Variants in RXRA observed in about 807,000 individuals in gnomAD.
RXRA encodes retinoic acid receptor RXR-alpha.
Under a neutral mutation model 44.5 loss-of-function variants are expected in RXRA, and 5 were observed. The observed-to-expected ratio is 0.11, with a 90% CI of 0.06 to 0.24. The LOEUF (loss-of-function observed/expected upper bound fraction) is 0.24, where lower values mean the gene tolerates loss of function less well. Ranked by LOEUF, RXRA falls within the 10% of genes least tolerant of loss-of-function variation. RXRA has a pLI of 1.00. For synonymous variants in RXRA, 291 were observed against 271.4 expected (o/e 1.07, Z -0.71); for missense variants, 412 against 646.5 (o/e 0.64, Z 3.93).
intron 1 of RXRA, among the ~76,000 whole-genome samples, chr9:134,388,807 G>T (rs1229687473): frequency 6.6e-6 from 1 of 152,230 alleles, no homozygotes; most frequent in Non-Finnish European, 1.5e-5. Flanking sequence ...GTGACAGCCG[G>T]GTGCCCTGGG....
At chr9:134,354,335 G>C (rs1830257554) in intron 1 of RXRA, among the ~76,000 whole-genome samples, 1 of 152,228 alleles carries the variant, frequency 6.6e-6, no homozygotes, top group South Asian at 2.1e-4. Context: ...GACTTCTGCA[G>C]AATTTTCTGC....
intron 1 of RXRA, among the ~76,000 whole-genome samples, chr9:134,341,478 C>G (rs574746500): frequency 1.3e-5 from 2 of 152,270 alleles, no homozygotes; most frequent in Non-Finnish European, 2.9e-5. Context: ...CCAGGCCTGG[C>G]TGGAGCCATT....
chr9:134,421,823 G>C lies in RXRA; in HGVS notation c.910+18G>C. ...GCGGGCAGGTGAGTGGCGAGGCCTA[G>C]GTGGGGATGGGGATGCCATGCAGAT... On this transcript the variant is annotated intron_variant, in intron 6 of 9. Transcript: ENST00000481739. 1 of 1,612,088 alleles carries C rather than the reference G, an allele frequency of 6.2e-7. No individual in the cohort carries two copies. The highest frequency in any genetic ancestry group is 1.3e-5 in the African/African-American group (1 of 75,000).
chr9:134,355,168 C>CT (rs1429092138), intron 1 of RXRA, among the ~76,000 whole-genome samples: 1 of 152,244 alleles, frequency 6.6e-6, no homozygotes, highest in Non-Finnish European at 1.5e-5. Context: ...CACATCTCTG[C>CT]TGGCGTTTGT....
chr9:134,377,254 G>T (rs1830569682), intron 1 of RXRA, among the ~76,000 whole-genome samples: 1 of 152,218 alleles, frequency 6.6e-6, no homozygotes, highest in Non-Finnish European at 1.5e-5. Flanking sequence ...AGCCCCAGGG[G>T]TGTTGGGTCC....
intron 1 of RXRA, among the ~76,000 whole-genome samples, chr9:134,327,235 ACCTGGGAAGGCC>A (rs1834930301): frequency 6.6e-6 from 1 of 152,082 alleles, no homozygotes; most frequent in African/African-American, 2.4e-5. Context: ...AGAACGTCAG[ACCTGGGAAGGCC>A]CCATTCCAGA....
chr9:134,423,133 G>A (rs1831375922), intron 6 of RXRA: 2 of 985,476 alleles, frequency 2.0e-6, no homozygotes, highest in South Asian at 9.4e-5. Context: ...GGGGGTGTGA[G>A]GGGCGTGCTG....
rs1042162112 is a variant in RXRA at position 134,424,435 on chromosome 9, C to T, written c.910+2630C>T. 11 of 985,354 alleles carry T rather than the reference C, an allele frequency of 1.1e-5. No individual in the cohort carries two copies. In the Admixed American group the frequency reaches 6.1e-4, roughly 55 times the overall value. 61.0% of individuals were successfully genotyped at this position (985,354 alleles called of 1,614,324 possible). The stretch of plus-strand genomic sequence containing the variant: ...GGCGCCCACTGAGGTCCTTGCTGAC[C>T]TGTCTCCAGTGGGCCCTGCTCATGC... On this transcript the variant is annotated intron_variant, in intron 6 of 9. Transcript: ENST00000481739.
Position 134,365,867 on chromosome 9 carries a change from G to T in RXRA, c.29-35765G>T, listed in dbSNP as rs1440397377. On this transcript the variant is annotated intron_variant, in intron 1 of 9. Transcript: ENST00000481739. This position sits in a 1 kb window ranked among gnomAD's most constrained non-coding sequence, Gnocchi z 4.0. ...CATTCCTACTGCTAGGCTCAGGCCT[G>T]TCTTGGGGAGGGTTCCTGGGCTGGG... Among the ~76,000 whole-genome samples, 3 of 152,082 alleles carry T rather than the reference G, an allele frequency of 2.0e-5. No homozygotes were observed. The highest frequency in any genetic ancestry group is 7.2e-5 in the African/African-American group (3 of 41,414).
chr9:134,339,828 TGTGTGA>T (rs1554747904), intron 1 of RXRA, among the ~76,000 whole-genome samples: 1 of 134,604 alleles, frequency 7.4e-6, no homozygotes, highest in African/African-American at 2.9e-5. Flanking sequence ...TGTGTGTGTG[TGTGTGA>T]GTCTGTGTGT....
intron 1 of RXRA, among the ~76,000 whole-genome samples, chr9:134,372,421 T>C (rs1198718523): frequency 6.6e-6 from 1 of 152,140 alleles, no homozygotes; most frequent in Non-Finnish European, 1.5e-5. Flanking sequence ...AGGGTCCCTC[T>C]TCCTTTGGCT....
chr9:134,354,713 A>G (rs782094089), intron 1 of RXRA, among the ~76,000 whole-genome samples: 2 of 152,236 alleles, frequency 1.3e-5, no homozygotes, highest in Non-Finnish European at 2.9e-5. Context: ...CCTTCGCTGT[A>G]AGACTGAAAT....
At chr9:134,427,295 C>T in intron 6 of RXRA, 6 of 416,950 alleles carry the variant, frequency 1.4e-5, no homozygotes, top group Non-Finnish European at 1.9e-5. Context: ...GGTTGTGTTT[C>T]CTAAACCCCC....
At chr9:134,329,014 G>T (rs114005197) in intron 1 of RXRA, among the ~76,000 whole-genome samples, 1 of 152,220 alleles carries the variant, frequency 6.6e-6, no homozygotes, top group African/African-American at 2.4e-5. Context: ...GGCTGGCCGC[G>T]CTCCCACGCC....
At chr9:134,376,923 G>A (rs1054099349) in intron 1 of RXRA, among the ~76,000 whole-genome samples, 3 of 152,212 alleles carry the variant, frequency 2.0e-5, no homozygotes, top group African/African-American at 7.2e-5. Context: ...ACCTGTGGCG[G>A]GCAGTCGCTG....
At chr9:134,379,691 G>T in intron 1 of RXRA, 1 of 985,406 alleles carries the variant, frequency 1.0e-6, no homozygotes, top group Non-Finnish European at 1.2e-6. Flanking sequence ...GCCCCAGTAT[G>T]CGGATGAGAA....
At chr9:134,403,286 T>A (rs1474072155) in intron 2 of RXRA, 3 of 152,262 alleles carry the variant, frequency 2.0e-5, no homozygotes, top group Non-Finnish European at 4.4e-5. Context: ...TTGGGGGATG[T>A]GTGCAGAAGA....
chr9:134,424,281 T>C, intron 6 of RXRA: 3 of 985,284 alleles, frequency 3.0e-6, no homozygotes, highest in South Asian at 4.7e-5. Context: ...CAGGCCCTTC[T>C]AGGATGCCTG....
intron 1 of RXRA, among the ~76,000 whole-genome samples, chr9:134,395,671 T>TG (rs776866603): frequency 1.3e-5 from 2 of 152,122 alleles, no homozygotes; most frequent in African/African-American, 2.4e-5. Flanking sequence ...CTGGCCGAGG[T>TG]GGGGGGCTGG....
Sources: gnomAD v4.1 joint callset for allele counts (sites outside exome capture counted in the v4.1 genomes callset) on GRCh38, gnomAD v4.1.1 for gene constraint, Gnocchi (gnomAD v3.1) non-coding constraint, MANE v1.5 for transcripts, NCBI Gene and HGNC (gene_info 2026-07-23, HGNC 2026-07-21) for gene names.